Variants in KRABD1 observed in about 807,000 individuals in gnomAD.
KRABD1 encodes KRAB domain-containing protein 1.
At chr3:42,938,612 G>A in the KRABD1 span, 1 of 323,484 alleles carries the variant, frequency 3.1e-6, no homozygotes, top group Admixed American at 4.0e-5. Context: ...GTATTCTATG[G>A]ATTAGCTGAA....
the KRABD1 span, chr3:42,941,890 C>A: frequency 1.0e-6 from 1 of 956,990 alleles, no homozygotes; most frequent in Non-Finnish European, 1.6e-6. Flanking sequence ...GTTCTTGTAG[C>A]CACAGGCTTA....
chr3:42,936,999 G>C, the KRABD1 span: 1 of 152,164 alleles, frequency 6.6e-6, no homozygotes, highest in Non-Finnish European at 1.5e-5. Context: ...GGAGCCCTGC[G>C]ATCTGGATTG....
the KRABD1 span, chr3:42,937,575 C>T: frequency 6.6e-6 from 1 of 152,206 alleles, no homozygotes; most frequent in Non-Finnish European, 1.5e-5. Flanking sequence ...GTATGAATCA[C>T]TGCTTTTGTT....
the KRABD1 span, among the ~76,000 whole-genome samples, chr3:42,940,180 T>G: frequency 1.3e-5 from 2 of 152,258 alleles, no homozygotes; most frequent in Non-Finnish European, 2.9e-5. Context: ...AAAGTTCTTT[T>G]TCCCCCCATA....
At chr3:42,942,678 T>G in the KRABD1 span, 1 of 885,494 alleles carries the variant, frequency 1.1e-6, no homozygotes, top group Non-Finnish European at 1.7e-6. Context: ...GTTTTCCAAG[T>G]AAGGAGTTGA....
the KRABD1 span, chr3:42,936,447 G>A: frequency 6.6e-6 from 1 of 152,258 alleles, no homozygotes; most frequent in Non-Finnish European, 1.5e-5. Flanking sequence ...AGGCCGCCAG[G>A]AGCCCACGGT....
the KRABD1 span, chr3:42,942,677 G>T: frequency 1.1e-6 from 1 of 877,758 alleles, no homozygotes; most frequent in Non-Finnish European, 1.7e-6. Flanking sequence ...AGTTTTCCAA[G>T]TAAGGAGTTG....
At chr3:42,938,930 A>G in the KRABD1 span, 16 of 1,531,586 alleles carry the variant, frequency 1.0e-5, no homozygotes, top group Non-Finnish European at 1.3e-5. Flanking sequence ...ACCAGGCCCC[A>G]GGTGAGCTGT....
At chr3:42,942,520 G>T in the KRABD1 span, 5 of 731,318 alleles carry the variant, frequency 6.8e-6, no homozygotes, top group African/African-American at 9.0e-5. Flanking sequence ...CAGTTGTTAT[G>T]ATTTTCCTCC....
the KRABD1 span, chr3:42,936,944 T>A: frequency 6.6e-6 from 1 of 152,136 alleles, no homozygotes; most frequent in African/African-American, 2.4e-5. Context: ...GAATACCGAA[T>A]TGTATTCCCT....
chr3:42,942,364 C>A, the KRABD1 span, among the ~76,000 whole-genome samples: 2 of 152,066 alleles, frequency 1.3e-5, no homozygotes, highest in Non-Finnish European at 2.9e-5. Flanking sequence ...CCAGTTTCTC[C>A]AGTTTTACAA....
the KRABD1 span, chr3:42,936,609 C>T: frequency 6.6e-6 from 1 of 152,424 alleles, no homozygotes; most frequent in Non-Finnish European, 1.5e-5. Flanking sequence ...CAGGCTCCCA[C>T]CCCCCTCGTT....
chr3:42,940,059 A>G, the KRABD1 span, among the ~76,000 whole-genome samples: 1 of 152,162 alleles, frequency 6.6e-6, no homozygotes, highest in African/African-American at 2.4e-5. Flanking sequence ...ATCTTTTCTT[A>G]CTCAGACATC....
At chr3:42,939,769 A>G in the KRABD1 span, among the ~76,000 whole-genome samples, 2 of 152,154 alleles carry the variant, frequency 1.3e-5, no homozygotes, top group African/African-American at 4.8e-5. Flanking sequence ...TCTCATCTCT[A>G]GTAAGCAGTG....
At chr3:42,941,039 G>C in the KRABD1 span, among the ~76,000 whole-genome samples, 313 of 152,292 alleles carry the variant, frequency 2.1e-3, no homozygotes, top group African/African-American at 7.1e-3. Context: ...GCTGAACTCT[G>C]ACTGGCTACT....
At chr3:42,942,140 G>C in the KRABD1 span, 1 of 1,089,898 alleles carries the variant, frequency 9.2e-7, no homozygotes, top group African/African-American at 1.6e-5. Context: ...CAAAATGAAA[G>C]GTGTGTGTTC....
At chr3:42,941,486 A>G in the KRABD1 span, 1 of 930,638 alleles carries the variant, frequency 1.1e-6, no homozygotes, top group Admixed American at 3.0e-5. Context: ...TGACTTGCGA[A>G]AGGCTTTCCT....
chr3:42,938,963 C>T, the KRABD1 span: 5 of 1,503,492 alleles, frequency 3.3e-6, no homozygotes, highest in Admixed American at 9.9e-5. Flanking sequence ...CTGTACATAT[C>T]CCTGTGTGTA....
At chr3:42,936,396 G>GCC in the KRABD1 span, 1 of 152,222 alleles carries the variant, frequency 6.6e-6, no homozygotes, top group Non-Finnish European at 1.5e-5. Flanking sequence ...GTGAGGATCG[G>GCC]CGAGTGGCGC....
Sources: allele counts gnomAD v4.1 joint callset (sites outside exome capture counted in the v4.1 genomes callset), GRCh38; gene constraint gnomAD v4.1.1; transcripts MANE v1.5; gene names NCBI Gene and HGNC (gene_info 2026-07-23, HGNC 2026-07-21).